LHPP: variants seen among roughly 807,000 people sequenced by gnomAD.
LHPP encodes phospholysine phosphohistidine inorganic pyrophosphate phosphatase.
A neutral mutation model predicts 30.3 loss-of-function variants in LHPP; 24 were observed. The observed-to-expected ratio is 0.79, with a 90% CI of 0.57 to 1.11. The LOEUF (loss-of-function observed/expected upper bound fraction) is 1.11. Among genes scored for constraint, LHPP ranks in the 50% most tolerant of loss-of-function variants. LHPP has a pLI of 0.00. For missense variants in LHPP, 356 were observed against 367.2 expected, an observed-to-expected ratio of 0.97 and a Z score of 0.25; for synonymous variants, 150 against 157.1, an observed-to-expected ratio of 0.95 and a Z score of 0.34.
rs116192090 is a variant in LHPP at position 124,589,328 on chromosome 10, C to T, written c.717-23936C>T. ...GTCCTAATTCCTTATCTGTTCCAACCACAAAAGCTTCCACTGCTGGATGGA... is the reference window on the plus strand; with the variant it reads ...GTCCTAATTCCTTATCTGTTCCAACTACAAAAGCTTCCACTGCTGGATGGA... On this transcript the variant is annotated intron_variant, in intron 6 of 6. Transcript: ENST00000368842. Among the ~76,000 whole-genome samples, 1,300 of 152,378 alleles carry T rather than the reference C, an allele frequency of 8.5e-3. 18 individuals carry two copies. Among genetic ancestry groups the T allele is most frequent in the African/African-American group, 0.028 (1,164 of 41,586 alleles).
intron 6 of LHPP, among the ~76,000 whole-genome samples, chr10:124,550,132 G>A (rs979271344): frequency 9.8e-5 from 15 of 152,368 alleles, no homozygotes; most frequent in African/African-American, 1.9e-4. Context: ...TCTCCTTTGC[G>A]TGCTGTGAAC....
In LHPP at chr10:124,593,498, C is replaced by T. The variant is rs1000216095; in HGVS notation, c.717-19766C>T. Among the ~76,000 whole-genome samples the T allele has an allele frequency of 1.6e-4, 25 of 152,182 alleles. No homozygotes were observed. Among genetic ancestry groups the T allele is most frequent in the African/African-American group, 5.8e-4 (24 of 41,450 alleles). On this transcript the variant is annotated intron_variant, in intron 6 of 6. Coordinates refer to ENST00000368842, the MANE Select transcript of LHPP (RefSeq NM_022126.4). This position sits in a 1 kb window ranked among gnomAD's most constrained non-coding sequence, Gnocchi z 4.9. ...GCAGTTGTTTCCAGCATTAGAGTCA[C>T]ACTGGGGTCCTTGTTCTAGCCCCCG... is the stretch of plus-strand genomic sequence containing the variant.
intron 1 of LHPP, among the ~76,000 whole-genome samples, chr10:124,467,710 T>TTTTGTTGTTG (rs1554876637): frequency 6.7e-6 from 1 of 148,924 alleles, no homozygotes; most frequent in Non-Finnish European, 1.5e-5. Context: ...GTGTGTGTTT[T>TTTTGTTGTTG]TTGTTGTTGT....
intron 6 of LHPP, among the ~76,000 whole-genome samples, chr10:124,606,395 A>C (rs1182352941): frequency 6.6e-6 from 1 of 152,150 alleles, no homozygotes; most frequent in Non-Finnish European, 1.5e-5. Flanking sequence ...CAGTGCCCTC[A>C]GACTCCAGGC....
intron 6 of LHPP, among the ~76,000 whole-genome samples, chr10:124,564,896 G>A (rs1948464455): frequency 6.6e-6 from 1 of 152,208 alleles, no homozygotes. Flanking sequence ...TATTCTAAGT[G>A]AAGTAACTCA....
At chr10:124,502,667 CTTTT>C (rs1190430106) in intron 5 of LHPP, among the ~76,000 whole-genome samples, 1 of 71,308 alleles carries the variant, frequency 1.4e-5, no homozygotes, top group African/African-American at 6.2e-5. Context: ...CACGCCCAGC[CTTTT>C]TTTTTTTTTT....
intron 6 of LHPP, among the ~76,000 whole-genome samples, chr10:124,604,320 C>T (rs1470086379): frequency 6.6e-6 from 1 of 152,204 alleles, no homozygotes; most frequent in African/African-American, 2.4e-5. Context: ...AGGTCACGGG[C>T]TGGATGTGGG....
At chr10:124,532,567 TC>T (rs1954924949) in intron 6 of LHPP, among the ~76,000 whole-genome samples, 1 of 152,246 alleles carries the variant, frequency 6.6e-6, no homozygotes, top group Non-Finnish European at 1.5e-5. Flanking sequence ...TATCGCTCTA[TC>T]CCATGTAGAG....
chr10:124,469,526 T>C (rs574224529), intron 1 of LHPP, among the ~76,000 whole-genome samples: 5 of 152,130 alleles, frequency 3.3e-5, no homozygotes, highest in East Asian at 1.9e-4. Flanking sequence ...GGGCTTCCTC[T>C]TTTCAAAGTG....
At chr10:124,595,647 CT>C (rs2134005877) in intron 6 of LHPP, among the ~76,000 whole-genome samples, 1 of 152,010 alleles carries the variant, frequency 6.6e-6, no homozygotes, top group Non-Finnish European at 1.5e-5. Flanking sequence ...TCCTTTCTTC[CT>C]TACTGTGGTT....
chr10:124,567,991 C>A (rs1293119369), intron 6 of LHPP, among the ~76,000 whole-genome samples: 1 of 152,216 alleles, frequency 6.6e-6, no homozygotes, highest in African/African-American at 2.4e-5. Context: ...CGGCTCACTG[C>A]AACCTCCGCC....
chr10:124,532,665 A>C (rs1333559170), intron 6 of LHPP, among the ~76,000 whole-genome samples: 1 of 152,218 alleles, frequency 6.6e-6, no homozygotes, highest in Non-Finnish European at 1.5e-5. Context: ...AAACCTTTTC[A>C]GCTTCCCAGG....
intron 6 of LHPP, among the ~76,000 whole-genome samples, chr10:124,544,963 T>G (rs912580802): frequency 6.6e-6 from 1 of 152,302 alleles, no homozygotes; most frequent in East Asian, 1.9e-4. Context: ...TCGGCTTGTC[T>G]GGGAGGACGG....
chr10:124,587,350 G>A (rs1005357782), intron 6 of LHPP, among the ~76,000 whole-genome samples: 2 of 151,984 alleles, frequency 1.3e-5, no homozygotes, highest in African/African-American at 4.8e-5. Context: ...TTTCTGTGGT[G>A]TAAATATTCC....
At chr10:124,505,224 G>C (rs2133887634) in intron 5 of LHPP, among the ~76,000 whole-genome samples, 1 of 152,272 alleles carries the variant, frequency 6.6e-6, no homozygotes, top group South Asian at 2.1e-4. Context: ...TTTTAAAGCT[G>C]TATTTCAAGA....
At position 124,541,483 on chromosome 10, in the gene LHPP, T is replaced by C. The variant is rs1325779550; in HGVS notation, c.716+24212T>C. On this transcript the variant is annotated intron_variant, in intron 6 of 6. Coordinates refer to ENST00000368842, the MANE Select transcript of LHPP (RefSeq NM_022126.4). The surrounding 1 kb of genome is among the most constrained non-coding windows in gnomAD (Gnocchi z 4.2). ...CTGCTAGCCCCAGACCTAACGGAGT[T>C]GCGGCTCATGGCCACCCTGAGGAAT... Among the ~76,000 whole-genome samples, 1 of 151,448 alleles carries C rather than the reference T, an allele frequency of 6.6e-6. No individual in the cohort carries two copies. The highest frequency in any genetic ancestry group is 1.5e-5 in the Non-Finnish European group (1 of 67,912).
At chr10:124,525,559 TGA>T (rs992252749) in intron 6 of LHPP, among the ~76,000 whole-genome samples, 4 of 152,184 alleles carry the variant, frequency 2.6e-5, no homozygotes, top group African/African-American at 9.7e-5. Context: ...CTGGGCCTCC[TGA>T]GAGAGTGGGG....
chr10:124,561,444 C>T (rs1948393493), intron 6 of LHPP, among the ~76,000 whole-genome samples: 1 of 152,080 alleles, frequency 6.6e-6, no homozygotes, highest in Admixed American at 6.5e-5. Flanking sequence ...GGTGACAAGA[C>T]ATCCCTTCCC....
chr10:124,481,130 ACTC>A (rs935215563), intron 1 of LHPP, among the ~76,000 whole-genome samples: 22 of 151,996 alleles, frequency 1.4e-4, no homozygotes, highest in African/African-American at 4.8e-4. Flanking sequence ...TCATCCCTGA[ACTC>A]CTGGAGCTCG....
Sources: gnomAD v4.1 joint callset for allele counts (sites outside exome capture counted in the v4.1 genomes callset) on GRCh38, gnomAD v4.1.1 for gene constraint, Gnocchi (gnomAD v3.1) non-coding constraint, MANE v1.5 for transcripts, NCBI Gene and HGNC (gene_info 2026-07-23, HGNC 2026-07-21) for gene names.